The following MED12L variants were observed in gnomAD, a reference collection of about 807,000 sequenced individuals.
MED12L encodes the protein mediator complex subunit 12L.
In MED12L, 60 loss-of-function variants were observed where a neutral mutation model predicts 281.3. The ratio of observed to expected loss-of-function variants is 0.21; its 90% CI spans 0.17 to 0.26. The LOEUF (loss-of-function observed/expected upper bound fraction) is 0.26, where lower values mean the gene tolerates loss of function less well. MED12L is among the 10% of genes least tolerant of loss of function. The pLI is 1.00. For missense variants in MED12L, 2,146 were observed against 2,680.9 expected (o/e 0.80, Z 4.41); for synonymous variants, 974 against 987.2 (o/e 0.99, Z 0.25).
chr3:151,198,926 A>T (rs1185096207), intron 16 of MED12L: 1 of 1,613,952 alleles, frequency 6.2e-7, no homozygotes, highest in Admixed American at 1.7e-5. Context: ...GATGTCTTTG[A>T]TGGGAATCAT....
intron 16 of MED12L, among the ~76,000 whole-genome samples, chr3:151,321,493 A>G (rs979149337): frequency 2.0e-5 from 3 of 152,222 alleles, no homozygotes; most frequent in African/African-American, 7.2e-5. Flanking sequence ...TATAAAGTCA[A>G]TACATAAAGC....
At chr3:151,281,898 G>T (rs1037528302) in intron 16 of MED12L, among the ~76,000 whole-genome samples, 2 of 152,112 alleles carry the variant, frequency 1.3e-5, no homozygotes, top group Non-Finnish European at 2.9e-5. Context: ...CCCCAAATAT[G>T]TCTGTAACTG....
At chr3:151,248,253 ACCT>A (rs1736137138) in intron 16 of MED12L, among the ~76,000 whole-genome samples, 1 of 151,982 alleles carries the variant, frequency 6.6e-6, no homozygotes, top group African/African-American at 2.4e-5. Context: ...CAACTATGAG[ACCT>A]ATTTAATTCC....
intron 16 of MED12L, chr3:151,338,169 A>G: frequency 6.2e-7 from 1 of 1,614,084 alleles, no homozygotes; most frequent in Non-Finnish European, 8.5e-7. Context: ...GACTTTACCT[A>G]CACCCCTCGT....
intron 3 of MED12L, among the ~76,000 whole-genome samples, chr3:151,121,966 G>T (rs1289086685): frequency 1.3e-5 from 2 of 151,946 alleles, no homozygotes; most frequent in African/African-American, 4.8e-5. Context: ...CGCCTGCCTT[G>T]GCTTCCCAAA....
chr3:151,145,898 C>T (rs1341565119), intron 5 of MED12L, among the ~76,000 whole-genome samples: 2 of 152,208 alleles, frequency 1.3e-5, no homozygotes, highest in Admixed American at 1.3e-4. Context: ...TCGCACCTGC[C>T]TCTTTGTTCC....
At chr3:151,279,052 T>C (rs1179719038) in intron 16 of MED12L, among the ~76,000 whole-genome samples, 1 of 152,234 alleles carries the variant, frequency 6.6e-6, no homozygotes, top group African/African-American at 2.4e-5. Context: ...TAATTGGTGA[T>C]GTCCTGCAGT....
chr3:151,384,648 C>T (rs1408438427), intron 35 of MED12L: 3 of 192,780 alleles, frequency 1.6e-5, no homozygotes, highest in Non-Finnish European at 2.1e-5. Flanking sequence ...AAAAAGAAAC[C>T]AAATAAATCT....
At chr3:151,325,027 G>A (rs1049474711) in intron 16 of MED12L, among the ~76,000 whole-genome samples, 5 of 152,122 alleles carry the variant, frequency 3.3e-5, no homozygotes, top group Non-Finnish European at 5.9e-5. Context: ...GTTTATGTCG[G>A]GGTAAGAGTT....
intron 16 of MED12L, among the ~76,000 whole-genome samples, chr3:151,319,537 T>A (rs947754006): frequency 6.6e-6 from 1 of 151,774 alleles, no homozygotes; most frequent in African/African-American, 2.4e-5. Context: ...AAAATTTTGT[T>A]TTGTTTTTAT....
intron 16 of MED12L, among the ~76,000 whole-genome samples, chr3:151,317,237 A>T (rs1000474755): frequency 6.6e-6 from 1 of 152,106 alleles, no homozygotes; most frequent in African/African-American, 2.4e-5. Flanking sequence ...TATGAAACTA[A>T]TGAAATCTGT....
intron 39 of MED12L, among the ~76,000 whole-genome samples, chr3:151,397,970 C>T (rs971377207): frequency 6.6e-6 from 1 of 152,150 alleles, no homozygotes; most frequent in African/African-American, 2.4e-5. Context: ...CTTCCTACGA[C>T]AGTTTTCTAG....
chr3:151,270,693 G>T (rs1404176205), intron 16 of MED12L, among the ~76,000 whole-genome samples: 1 of 152,094 alleles, frequency 6.6e-6, no homozygotes, highest in Non-Finnish European at 1.5e-5. Flanking sequence ...GTTTGGGTGG[G>T]TTAAGTGTGT....
intron 2 of MED12L, among the ~76,000 whole-genome samples, chr3:151,087,421 A>G (rs1379636557): frequency 1.3e-5 from 2 of 152,234 alleles, no homozygotes; most frequent in East Asian, 3.8e-4. Flanking sequence ...TGCATCCTAC[A>G]CTGAGGTCTT....
At chr3:151,194,661 G>A (rs1724416162) in intron 16 of MED12L, among the ~76,000 whole-genome samples, 1 of 152,122 alleles carries the variant, frequency 6.6e-6, no homozygotes, top group Admixed American at 6.5e-5. Context: ...GAAATGCTTG[G>A]CAGGAAATTT....
At chr3:151,086,690 C>T (rs1719259799) in intron 1 of MED12L, 108 bp from the exon 2 acceptor site, 2 of 377,240 alleles carry the variant, frequency 5.3e-6, no homozygotes, top group South Asian at 5.3e-5. Flanking sequence ...AGCGGTGCGT[C>T]CCGGGGCTCG....
chr3:151,121,242 A>G lies in MED12L; in HGVS notation c.205-1541A>G, dbSNP rs369343707. Among the ~76,000 whole-genome samples, 12 of 152,284 alleles carry G rather than the reference A, an allele frequency of 7.9e-5. No homozygotes were observed. In the East Asian group the frequency reaches 2.3e-3, roughly 29 times the overall value. ...CTACATTTTTGCACTTAATTTATTCACTGTTTGGACATCCTGCAAATATTT... is the reference window on the plus strand; with the variant it reads ...CTACATTTTTGCACTTAATTTATTCGCTGTTTGGACATCCTGCAAATATTT... On this transcript the variant is annotated intron_variant, in intron 3 of 44. Coordinates refer to ENST00000687756, the MANE Select transcript of MED12L (RefSeq NM_001393769.1).
intron 16 of MED12L, among the ~76,000 whole-genome samples, chr3:151,275,934 A>C (rs556166172): frequency 6.6e-6 from 1 of 152,248 alleles, no homozygotes; most frequent in East Asian, 1.9e-4. Flanking sequence ...TGGGTGTAGC[A>C]CCAGACTTGA....
At chr3:151,140,399 C>G (rs1716751334) in intron 5 of MED12L, among the ~76,000 whole-genome samples, 1 of 152,170 alleles carries the variant, frequency 6.6e-6, no homozygotes, top group Non-Finnish European at 1.5e-5. Flanking sequence ...AACAACTCCC[C>G]TTTCTCCCCC....
Sources: allele counts gnomAD v4.1 joint callset (sites outside exome capture counted in the v4.1 genomes callset), GRCh38; gene constraint gnomAD v4.1.1; transcripts MANE v1.5; gene names NCBI Gene and HGNC (gene_info 2026-07-23, HGNC 2026-07-21).